The following GNAI3 variants were observed in gnomAD, a reference collection of about 807,000 sequenced individuals.
GNAI3 encodes guanine nucleotide-binding protein G(i) subunit alpha-3.
GNAI3 carries 12 observed loss-of-function variants against 41.8 expected under a neutral mutation model. The ratio of observed to expected loss-of-function variants is 0.29; its 90% CI spans 0.18 to 0.47. The LOEUF (loss-of-function observed/expected upper bound fraction) is 0.47. Among genes scored for constraint, GNAI3 ranks in the 20% least tolerant of loss-of-function variants. The pLI, the probability that GNAI3 is intolerant of heterozygous loss-of-function variation, is 1.00. For synonymous variants in GNAI3, 132 were observed against 146.5 expected, an observed-to-expected ratio of 0.90 and a Z score of 0.71; for missense variants, 360 against 429.6, an observed-to-expected ratio of 0.84 and a Z score of 1.43.
intron 7 of GNAI3, among the ~76,000 whole-genome samples, chr1:109,589,452 T>C (rs1251083053): frequency 6.6e-6 from 1 of 152,088 alleles, no homozygotes. Flanking sequence ...AGACTACTCT[T>C]GAGCAACGTG....
intron 1 of GNAI3, 44 bp downstream of exon 1, chr1:109,548,882 T>C: frequency 7.6e-7 from 1 of 1,324,202 alleles, no homozygotes; most frequent in Non-Finnish European, 1.1e-6. Flanking sequence ...CGGGAGAGCC[T>C]AGGCGCTTGG....
At chr1:109,581,391 A>G (rs1419566319) in intron 4 of GNAI3, among the ~76,000 whole-genome samples, 2 of 152,060 alleles carry the variant, frequency 1.3e-5, no homozygotes, top group East Asian at 1.9e-4. Context: ...ACCATTCTCT[A>G]ATGTCCTGTC....
chr1:109,557,853 G>A (rs893960001), intron 1 of GNAI3, among the ~76,000 whole-genome samples: 6 of 152,034 alleles, frequency 3.9e-5, no homozygotes, highest in Non-Finnish European at 7.4e-5. Flanking sequence ...GAGTTGATGG[G>A]GTATCATGAG....
intron 1 of GNAI3, among the ~76,000 whole-genome samples, chr1:109,572,005 A>T (rs1174935864): frequency 2.6e-5 from 4 of 152,056 alleles, no homozygotes; most frequent in Non-Finnish European, 2.9e-5. Flanking sequence ...AAGCAATATA[A>T]CCTTTAGAAT....
intron 4 of GNAI3, among the ~76,000 whole-genome samples, chr1:109,581,950 C>T (rs1384080308): frequency 1.3e-5 from 2 of 152,000 alleles, no homozygotes; most frequent in Non-Finnish European, 1.5e-5. Flanking sequence ...TATATAGACT[C>T]TATACTTTAA....
At chr1:109,573,714 A>T in intron 1 of GNAI3, 23 bp from the exon 2 acceptor site, 2 of 1,576,346 alleles carry the variant, frequency 1.3e-6, no homozygotes, top group Non-Finnish European at 1.7e-6. Flanking sequence ...AGAAATTCAA[A>T]GTCTGGTTTT....
intron 1 of GNAI3, among the ~76,000 whole-genome samples, chr1:109,566,594 T>G (rs1448541016): frequency 1.3e-5 from 2 of 152,154 alleles, no homozygotes; most frequent in African/African-American, 4.8e-5. Context: ...TGGAGTTTGC[T>G]CTTGTTGCCC....
intron 1 of GNAI3, among the ~76,000 whole-genome samples, chr1:109,556,031 C>G (rs935646832): frequency 1.5e-4 from 22 of 149,720 alleles, no homozygotes; most frequent in Admixed American, 8.0e-4. Flanking sequence ...CTTCCATTAA[C>G]TTCCATTCTT....
intron 1 of GNAI3, among the ~76,000 whole-genome samples, chr1:109,567,273 T>TTAATTATAATTAATTATA: frequency 6.6e-6 from 1 of 152,218 alleles, no homozygotes; most frequent in South Asian, 2.1e-4. Flanking sequence ...CTAATTATAA[T>TTAATTATAATTAATTATA]CCTGTTATTA....
At chr1:109,553,875 A>G (rs919295681) in intron 1 of GNAI3, among the ~76,000 whole-genome samples, 2 of 152,124 alleles carry the variant, frequency 1.3e-5, no homozygotes, top group African/African-American at 4.8e-5. Flanking sequence ...CTTTCCCCCG[A>G]GTCCCCAAAG....
intron 7 of GNAI3, among the ~76,000 whole-genome samples, chr1:109,590,654 C>T (rs1466146242): frequency 6.6e-6 from 1 of 151,718 alleles, no homozygotes; most frequent in Non-Finnish European, 1.5e-5. Flanking sequence ...CGGCTCACTG[C>T]AACCTCCACC....
rs1481407891 is a variant in GNAI3 at position 109,594,813 on chromosome 1, T to A, written c.*2491T>A. ...ACCACGCCCAGCTAATTTTTTTGTA[T>A]GTCTTAGTAGAGACGGGGTTTAACC... On this transcript the variant is annotated 3_prime_UTR_variant, in exon 9 of 9. Coordinates refer to ENST00000369851, the MANE Select transcript of GNAI3 (RefSeq NM_006496.4). 1.3e-5 allele frequency: 2 copies of A among 152,166 alleles called. No individual in the cohort carries two copies. The highest frequency in any genetic ancestry group is 2.9e-5 in the Non-Finnish European group (2 of 68,048). 9.4% of individuals were successfully genotyped at this position (152,166 alleles called of 1,614,324 possible). A position where few individuals can be genotyped will look rare whatever the true frequency, so the allele number is the denominator to read the frequency against.
At chr1:109,555,963 C>CGTGCGTGCGT (rs1163257606) in intron 1 of GNAI3, among the ~76,000 whole-genome samples, 1 of 144,534 alleles carries the variant, frequency 6.9e-6, no homozygotes, top group Non-Finnish European at 1.5e-5. Context: ...TGCGTGCGTG[C>CGTGCGTGCGT]GTGTGTGTGT....
chr1:109,548,983 C>T lies in GNAI3; in HGVS notation c.118+145C>T, dbSNP rs1647905203. 1.3e-5 allele frequency: 7 copies of T among 547,424 alleles called. No homozygotes were observed. The South Asian group carries it at 1.6e-4, about 12-fold the overall frequency. The allele number at this position is 547,424 out of a possible 1,614,324, so 33.9% of individuals were successfully genotyped here. On this transcript the variant is annotated intron_variant, in intron 1 of 8. Coordinates refer to ENST00000369851, the MANE Select transcript of GNAI3 (RefSeq NM_006496.4). ...GGCGTGGGGCGGGGTGTTGGGGTTCCTAGCTGAGGCCCCAGAGGGCGTGAT... is the reference window on the plus strand; with the variant it reads ...GGCGTGGGGCGGGGTGTTGGGGTTCTTAGCTGAGGCCCCAGAGGGCGTGAT...
intron 1 of GNAI3, among the ~76,000 whole-genome samples, chr1:109,561,914 G>T (rs1648322044): frequency 6.6e-6 from 1 of 152,136 alleles, no homozygotes; most frequent in Admixed American, 6.5e-5. Flanking sequence ...AGCATATCCA[G>T]ACAAAGGGAA....
At position 109,600,141 on chromosome 1, in the gene GNAI3, A is replaced by C. The variant is rs992878940; in HGVS notation, c.*7819A>C. The C allele has an allele frequency of 2.0e-5, 3 of 152,188 alleles. No homozygotes were observed. The highest frequency in any genetic ancestry group is 1.9e-4 in the East Asian group (1 of 5,204). The allele number at this position is 152,188 out of a possible 1,614,324, so 9.4% of individuals were successfully genotyped here. A position where few individuals can be genotyped will look rare whatever the true frequency, so the allele number is the denominator to read the frequency against. ...TTCTGATCTGGTTACAAAAAAAAAAAAAACTTGATGGCTTAAAGTAAATAA... is the reference window on the plus strand; with the variant it reads ...TTCTGATCTGGTTACAAAAAAAAAACAAACTTGATGGCTTAAAGTAAATAA... On this transcript the variant is annotated 3_prime_UTR_variant, in exon 9 of 9. Transcript: ENST00000369851.
Position 109,582,561 on chromosome 1 carries a change from T to C in GNAI3, c.586T>C (p.Phe196Leu), listed in dbSNP as rs1369689853. ...ACATTTCACCTTCAAAGACCTATAC[T>C]TCAAGTAAGTCATTAGCCTTTTTGC... ...ETHFTFKDLYFKMFDVGGQRS... is the reference protein window; with the variant it reads ...ETHFTFKDLYLKMFDVGGQRS... The change falls in exon 5 of 9, where the codon TTC becomes CTC. Residue 196 changes from phenylalanine to leucine, a missense_variant. Coordinates refer to ENST00000369851, the MANE Select transcript of GNAI3 (RefSeq NM_006496.4). 3 of 1,605,448 alleles carry C rather than the reference T, an allele frequency of 1.9e-6. No individual in the cohort carries two copies. The highest frequency in any genetic ancestry group is 2.6e-6 in the Non-Finnish European group (3 of 1,172,290).
At chr1:109,578,470 C>CAAAAAAAAAA (rs35519193) in intron 3 of GNAI3, among the ~76,000 whole-genome samples, 2 of 84,306 alleles carry the variant, frequency 2.4e-5, no homozygotes, top group Admixed American at 1.3e-4. Context: ...AACTCCGTCT[C>CAAAAAAAAAA]AAAAAAAAAA....
chr1:109,579,162 A>T lies in GNAI3; in HGVS notation c.304-42A>T, dbSNP rs780152342. On this transcript the variant is annotated intron_variant, in intron 3 of 8. Transcript: ENST00000369851. ...AAGAGACTGTCATCAAGTCTTAAAG[A>T]AATGGAGAGTCATCTGTCTCTTTCT... The T allele has an allele frequency of 6.6e-6, 10 of 1,525,826 alleles. No homozygotes were observed. The Admixed American group carries it at 1.9e-4, about 29-fold the overall frequency. 94.5% of individuals were successfully genotyped at this position (1,525,826 alleles called of 1,614,324 possible).
Sources: gnomAD v4.1 joint callset for allele counts (sites outside exome capture counted in the v4.1 genomes callset) on GRCh38, gnomAD v4.1.1 for gene constraint, MANE v1.5 for transcripts, NCBI Gene and HGNC (gene_info 2026-07-23, HGNC 2026-07-21) for gene names.